Variants in MTA3 observed in about 807,000 individuals in gnomAD.
The protein encoded by MTA3 is metastasis-associated protein MTA3.
A neutral mutation model predicts 83.5 loss-of-function variants in MTA3; 34 were observed. The ratio of observed to expected loss-of-function variants is 0.41; its 90% CI spans 0.31 to 0.54. The LOEUF (loss-of-function observed/expected upper bound fraction) is 0.54, where lower values mean the gene tolerates loss of function less well. Ranked by LOEUF, MTA3 falls within the 20% of genes least tolerant of loss-of-function variation. MTA3 has a pLI of 0.33. For synonymous variants in MTA3, 303 were observed against 252.7 expected, an observed-to-expected ratio of 1.20 and a Z score of -1.89; for missense variants, 761 against 726.4, an observed-to-expected ratio of 1.05 and a Z score of -0.55.
rs376322332 is a variant in MTA3, at chr2:42,609,523, T to C, written c.256T>C (p.Leu86=). 2 of 1,613,764 alleles carry C rather than the reference T, an allele frequency of 1.2e-6. No individual in the cohort carries two copies. Among genetic ancestry groups the C allele is most frequent in the East Asian group, 2.2e-5 (1 of 44,880 alleles). The stretch of plus-strand genomic sequence containing the variant: ...CTTGACCGATAAGCAGAAACATCAG[T>C]TGAAACATAGGGAACTCTTTTTGTC... The part of the protein sequence containing the change: ...ADLTDKQKHQ[L]KHRELFLSRQ... The change falls in exon 4 of 17, where the codon TTG becomes CTG. Residue 86 remains leucine, a synonymous_variant. Coordinates refer to ENST00000405094, the MANE Select transcript of MTA3 (RefSeq NM_001330442.2).
chr2:42,508,455 C>T (rs1674739368), intron 2 of MTA3, among the ~76,000 whole-genome samples: 1 of 152,080 alleles, frequency 6.6e-6, no homozygotes, highest in African/African-American at 2.4e-5. Context: ...CCTCAGCCCC[C>T]TGAGCATCTG....
At chr2:42,530,540 T>C (rs1048932149) in intron 2 of MTA3, among the ~76,000 whole-genome samples, 1 of 150,606 alleles carries the variant, frequency 6.6e-6, no homozygotes, top group Non-Finnish European at 1.5e-5. Context: ...ATCCAACAAT[T>C]TGGGAGGCCG....
intron 4 of MTA3, 88 bp downstream of exon 4, chr2:42,609,672 A>G: frequency 1.4e-6 from 2 of 1,425,364 alleles, no homozygotes; most frequent in Non-Finnish European, 1.9e-6. Context: ...GACTCTTCTC[A>G]GGATCTTGCT....
intron 3 of MTA3, among the ~76,000 whole-genome samples, chr2:42,608,725 A>C (rs1683809520): frequency 6.6e-6 from 1 of 152,114 alleles, no homozygotes; most frequent in Non-Finnish European, 1.5e-5. Flanking sequence ...TCTACTAAAA[A>C]TACATAAAGT....
intron 6 of MTA3, among the ~76,000 whole-genome samples, chr2:42,647,167 A>ACAAAAAAAAAAAAAACAAAAAAAAAAAAC (rs1360967605): frequency 6.7e-6 from 1 of 150,260 alleles, no homozygotes; most frequent in African/African-American, 2.5e-5. Context: ...AAAAAAAAAA[A>ACAAAAAAAAAAAAAACAAAAAAAAAAAAC]CAAAAAAGAA....
intron 3 of MTA3, among the ~76,000 whole-genome samples, chr2:42,586,947 C>G (rs552073508): frequency 1.3e-5 from 2 of 152,134 alleles, no homozygotes; most frequent in African/African-American, 4.8e-5. Context: ...CGCTTGAACC[C>G]GGGAGGTGGA....
At chr2:42,575,559 A>AT (rs1027277328) in intron 2 of MTA3, among the ~76,000 whole-genome samples, 5 of 152,010 alleles carry the variant, frequency 3.3e-5, no homozygotes, top group African/African-American at 1.2e-4. Flanking sequence ...TGCAAGGGTG[A>AT]TAAAAAAAAA....
intron 2 of MTA3, among the ~76,000 whole-genome samples, chr2:42,556,080 A>G (rs1402133156): frequency 1.3e-5 from 2 of 151,476 alleles, no homozygotes; most frequent in South Asian, 4.2e-4. Flanking sequence ...TCAAAAAACA[A>G]AAGCAAACAA....
chr2:42,539,157 A>C (rs927291406), intron 2 of MTA3, among the ~76,000 whole-genome samples: 3 of 152,120 alleles, frequency 2.0e-5, no homozygotes, highest in African/African-American at 4.8e-5. Flanking sequence ...TTAGTTCCTT[A>C]GTTTGTCAGG....
At chr2:42,721,297 G>C (rs1046557655) in intron 15 of MTA3, among the ~76,000 whole-genome samples, 5 of 151,348 alleles carry the variant, frequency 3.3e-5, no homozygotes, top group Admixed American at 1.3e-4. Flanking sequence ...TTGGGCACTT[G>C]GAGGAAGGAC....
chr2:42,744,944 G>A (rs1321932059), intron 16 of MTA3, among the ~76,000 whole-genome samples: 18 of 152,194 alleles, frequency 1.2e-4, no homozygotes. Context: ...CAATGGAAAT[G>A]GAAGAATTTG....
Position 42,609,503 on chromosome 2 carries a change from C to T in MTA3, c.236C>T (p.Thr79Ile), listed in dbSNP as rs746182206. The T allele has an allele frequency of 1.7e-5, 27 of 1,613,686 alleles. No homozygotes were observed. The highest frequency in any genetic ancestry group is 2.2e-5 in the Non-Finnish European group (26 of 1,179,818). The change falls in exon 4 of 17, where the codon ACC becomes ATC. Residue 79 changes from threonine to isoleucine, a missense_variant. Coordinates refer to ENST00000405094, the MANE Select transcript of MTA3 (RefSeq NM_001330442.2). ...ESETTVEADL[T>I]DKQKHQLKHR... is the part of the protein sequence containing the mutation. Reference sequence around the variant, plus strand: ...GAAACAACAGTTGAGGCTGACTTGACCGATAAGCAGAAACATCAGTTGAAA... The same window carrying T: ...GAAACAACAGTTGAGGCTGACTTGATCGATAAGCAGAAACATCAGTTGAAA...
intron 7 of MTA3, among the ~76,000 whole-genome samples, chr2:42,658,936 A>G (rs1010875609): frequency 2.5e-4 from 38 of 149,590 alleles, no homozygotes; most frequent in Non-Finnish European, 3.4e-4. Context: ...TTAGCCAAAA[A>G]AAAAAAAAAA....
intron 4 of MTA3, among the ~76,000 whole-genome samples, chr2:42,618,371 T>A (rs1017127429): frequency 6.6e-6 from 1 of 152,216 alleles, no homozygotes; most frequent in Non-Finnish European, 1.5e-5. Flanking sequence ...TGCTAATCCT[T>A]CAAGAATTCT....
At chr2:42,560,726 A>G (rs941784304) in intron 2 of MTA3, among the ~76,000 whole-genome samples, 1 of 151,840 alleles carries the variant, frequency 6.6e-6, no homozygotes, top group Non-Finnish European at 1.5e-5. Flanking sequence ...CCAACATAGT[A>G]AAACTCCATC....
chr2:42,617,701 G>A (rs1401846922), intron 4 of MTA3, among the ~76,000 whole-genome samples: 1 of 151,868 alleles, frequency 6.6e-6, no homozygotes, highest in Non-Finnish European at 1.5e-5. Context: ...ACTTGAACCC[G>A]GGAGGCGGAC....
intron 2 of MTA3, among the ~76,000 whole-genome samples, chr2:42,574,422 G>C (rs900585186): frequency 4.3e-5 from 6 of 140,494 alleles, no homozygotes; most frequent in Non-Finnish European, 6.2e-5. Context: ...CACCATGCCC[G>C]GCCTCCTTTT....
At chr2:42,727,433 G>C (rs955394129) in intron 16 of MTA3, among the ~76,000 whole-genome samples, 3 of 152,138 alleles carry the variant, frequency 2.0e-5, no homozygotes, top group Non-Finnish European at 4.4e-5. Context: ...TTTACTGCTA[G>C]CAAACCAGGT....
chr2:42,507,362 G>A (rs1383494981), intron 2 of MTA3, among the ~76,000 whole-genome samples: 2 of 151,656 alleles, frequency 1.3e-5, no homozygotes, highest in Non-Finnish European at 2.9e-5. Flanking sequence ...TATAGAGATG[G>A]GGGTCTCACT....
Sources: allele counts gnomAD v4.1 joint callset (sites outside exome capture counted in the v4.1 genomes callset), GRCh38; gene constraint gnomAD v4.1.1; transcripts MANE v1.5; gene names NCBI Gene and HGNC (gene_info 2026-07-23, HGNC 2026-07-21).